Variants in RBFOX1 observed in about 807,000 individuals in gnomAD.
RBFOX1 encodes the protein RNA binding fox-1 homolog 1.
Under a neutral mutation model 57.7 loss-of-function variants are expected in RBFOX1, and 8 were observed. The ratio of observed to expected loss-of-function variants is 0.14; its 90% CI spans 0.08 to 0.25. The LOEUF is 0.25. RBFOX1 is among the 10% of genes least tolerant of loss of function. The pLI is 1.00. For missense variants in RBFOX1, 611 were observed against 548.5 expected, an observed-to-expected ratio of 1.11 and a Z score of -1.14; for synonymous variants, 326 against 222.4, an observed-to-expected ratio of 1.47 and a Z score of -4.15.
intron 4 of RBFOX1, among the ~76,000 whole-genome samples, chr16:7,098,085 A>T (rs1008926842): frequency 5.3e-5 from 8 of 152,238 alleles, no homozygotes; most frequent in African/African-American, 1.9e-4. Context: ...GGCTAATCAA[A>T]CAGGCAAGTG....
chr16:7,708,417 C>T (rs893020957), intron 14 of RBFOX1, among the ~76,000 whole-genome samples: 4 of 152,252 alleles, frequency 2.6e-5, no homozygotes, highest in Middle Eastern at 3.4e-3. Context: ...GTTTCAAATG[C>T]CTCCCCCTTC....
At chr16:6,132,417 A>G (rs909484974) in intron 1 of RBFOX1, among the ~76,000 whole-genome samples, 2 of 152,222 alleles carry the variant, frequency 1.3e-5, no homozygotes, top group African/African-American at 4.8e-5. Context: ...CAGGTGTGAC[A>G]TGAAGCAGCT....
chr16:7,709,516 C>G (rs1309240884), intron 15 of RBFOX1: 13 of 1,529,958 alleles, frequency 8.5e-6, no homozygotes, highest in Non-Finnish European at 1.1e-5. Flanking sequence ...AGCCCCAGCA[C>G]AGACTTCAGA....
chr16:6,005,526 C>T (rs2060678063), intron 4 of RBFOX1, among the ~76,000 whole-genome samples: 1 of 152,234 alleles, frequency 6.6e-6, no homozygotes, highest in Non-Finnish European at 1.5e-5. Context: ...GGGTTTTCAA[C>T]TTTGGCAGTG....
At chr16:5,887,157 G>A (rs368563533) in intron 4 of RBFOX1, among the ~76,000 whole-genome samples, 2 of 152,126 alleles carry the variant, frequency 1.3e-5, no homozygotes, top group African/African-American at 4.8e-5. Flanking sequence ...ACTTGCTTTA[G>A]AGTCATAAAT....
At position 7,294,066 on chromosome 16, in the gene RBFOX1, AAG is replaced by A. The variant is rs374400624; in HGVS notation, c.28-224077_28-224076del. 2.3e-4 allele frequency among the ~76,000 whole-genome samples: 35 copies of A among 152,314 alleles called. No individual in the cohort carries two copies. In the South Asian group the frequency reaches 6.4e-3, roughly 28 times the overall value. ...GCAGCCAAGCTCATGAAAGAGGAAA[AAG>A]AGAATCTTCTGCAGGCTTTGTTTGC... On this transcript the variant is annotated intron_variant, in intron 4 of 15. Transcript: ENST00000550418.
intron 4 of RBFOX1, among the ~76,000 whole-genome samples, chr16:7,439,933 A>C (rs1169852167): frequency 1.3e-5 from 2 of 148,910 alleles, no homozygotes; most frequent in East Asian, 4.0e-4. Flanking sequence ...CCACAAAACA[A>C]CCAAATCTTT....
intron 1 of RBFOX1, among the ~76,000 whole-genome samples, chr16:5,417,945 G>T (rs774176636): frequency 6.6e-5 from 10 of 152,154 alleles, no homozygotes; most frequent in Non-Finnish European, 1.5e-4. Flanking sequence ...GCTGGGTGTT[G>T]TGGTGTACGC....
intron 2 of RBFOX1, among the ~76,000 whole-genome samples, chr16:6,358,869 T>C (rs1330915755): frequency 6.6e-6 from 1 of 152,206 alleles, no homozygotes; most frequent in Admixed American, 6.5e-5. Flanking sequence ...AAGTGCTGTT[T>C]GACGAAGATT....
intron 2 of RBFOX1, among the ~76,000 whole-genome samples, chr16:6,509,651 A>C (rs2096206209): frequency 6.6e-6 from 1 of 152,206 alleles, no homozygotes; most frequent in East Asian, 1.9e-4. Flanking sequence ...AGTCAAAAAA[A>C]ATTTAAGTGT....
chr16:6,573,465 G>C (rs1231598977), intron 2 of RBFOX1, among the ~76,000 whole-genome samples: 2 of 152,172 alleles, frequency 1.3e-5, no homozygotes, highest in Admixed American at 6.5e-5. Context: ...ATCATAATCA[G>C]GGAGCCTGCT....
At chr16:5,807,919 C>G (rs1366749514) in intron 3 of RBFOX1, among the ~76,000 whole-genome samples, 2 of 152,186 alleles carry the variant, frequency 1.3e-5, no homozygotes, top group Admixed American at 6.5e-5. Context: ...CCACCCCAGA[C>G]AGAACCACCA....
chr16:6,823,187 C>T (rs1428968266), intron 3 of RBFOX1, among the ~76,000 whole-genome samples: 1 of 152,032 alleles, frequency 6.6e-6, no homozygotes, highest in Non-Finnish European at 1.5e-5. Context: ...GCCTGTGTTC[C>T]TTCTTAAGCA....
intron 4 of RBFOX1, among the ~76,000 whole-genome samples, chr16:7,449,914 T>C (rs920063800): frequency 6.6e-6 from 1 of 151,960 alleles, no homozygotes; most frequent in Middle Eastern, 3.2e-3. Context: ...ATGAAACATA[T>C]GAGAGCAGTG....
At chr16:5,971,445 T>C (rs2059960267) in intron 4 of RBFOX1, among the ~76,000 whole-genome samples, 1 of 152,120 alleles carries the variant, frequency 6.6e-6, no homozygotes, top group Non-Finnish European at 1.5e-5. Context: ...GGTAATTTGT[T>C]TTTGTTTTTT....
intron 3 of RBFOX1, among the ~76,000 whole-genome samples, chr16:5,860,888 A>G (rs2057196251): frequency 6.6e-6 from 1 of 152,152 alleles, no homozygotes. Context: ...TTCTGGGCTT[A>G]TTTGTGCAGG....
rs183478598 is a variant in RBFOX1 at position 5,270,479 on chromosome 16, A to G, written c.219+30374A>G. The stretch of plus-strand genomic sequence containing the variant: ...AAACTGCCTGACTAACTTCTATGGC[A>G]TGGGTCTTACCTGTGACAAAATATG... On this transcript the variant is annotated intron_variant, in intron 1 of 2. Transcript: ENST00000585867. 49 of 735,126 alleles carry G rather than the reference A, an allele frequency of 6.7e-5. No homozygotes were observed. The African/African-American group carries it at 7.4e-4, about 11-fold the overall frequency. The allele number at this position is 735,126 out of a possible 1,614,324, so 45.5% of individuals were successfully genotyped here. A position where few individuals can be genotyped will look rare whatever the true frequency, so the allele number is the denominator to read the frequency against.
intron 4 of RBFOX1, among the ~76,000 whole-genome samples, chr16:7,193,781 C>G (rs1056287939): frequency 2.0e-5 from 3 of 152,196 alleles, no homozygotes; most frequent in African/African-American, 4.8e-5. Context: ...GTACTAGACT[C>G]TAGCACAACA....
At chr16:5,516,135 G>T (rs903588004) in intron 2 of RBFOX1, among the ~76,000 whole-genome samples, 1 of 152,172 alleles carries the variant, frequency 6.6e-6, no homozygotes, top group African/African-American at 2.4e-5. Flanking sequence ...TCTGAGTCCT[G>T]TGTCTGGTCC....
Sources: gnomAD v4.1 joint callset for allele counts (sites outside exome capture counted in the v4.1 genomes callset) on GRCh38, gnomAD v4.1.1 for gene constraint, MANE v1.5 for transcripts, NCBI Gene and HGNC (gene_info 2026-07-23, HGNC 2026-07-21) for gene names.